Variants in TCN1 observed in about 807,000 individuals in gnomAD.
The protein encoded by TCN1 is transcobalamin-1.
In TCN1, 47 loss-of-function variants were observed where a neutral mutation model predicts 46.3. The ratio of observed to expected loss-of-function variants is 1.01; its 90% CI spans 0.80 to 1.29. The LOEUF (loss-of-function observed/expected upper bound fraction) is 1.29, where lower values mean the gene tolerates loss of function less well. Ranked by LOEUF, TCN1 falls within the 50% of genes most tolerant of loss-of-function variation. TCN1 has a pLI of 0.00. For synonymous variants in TCN1, 183 were observed against 192.5 expected (o/e 0.95, Z 0.41); for missense variants, 532 against 511.0 (o/e 1.04, Z -0.40).
In TCN1 at chr11:59,856,074, G is replaced by T. The variant is rs759634134; in HGVS notation, c.748-16C>A. ...CAAAGAGGGCCTAATGAGGCAGGGT[G>T]GGGTGGGGGGGTGATGAGAGATAAA... On this transcript the variant is annotated splice_polypyrimidine_tract_variant and intron_variant, in intron 5 of 8. Transcript: ENST00000257264. The T allele has an allele frequency of 6.8e-7, 1 of 1,470,548 alleles. No individual in the cohort carries two copies. Among genetic ancestry groups the T allele is most frequent in the Non-Finnish European group, 9.5e-7 (1 of 1,055,100 alleles). The allele number at this position is 1,470,548 out of a possible 1,614,324, so 91.1% of individuals were successfully genotyped here.
chr11:59,861,816 C>G (rs1853018380), intron 3 of TCN1, 134 bp from the exon 4 acceptor site: 9 of 1,021,092 alleles, frequency 8.8e-6, no homozygotes, highest in Non-Finnish European at 1.3e-5. Flanking sequence ...GGGAGGTCAC[C>G]CATAGAATCA....
chr11:59,854,575 T>G, intron 7 of TCN1, 77 bp downstream of exon 7: 1 of 1,464,060 alleles, frequency 6.8e-7, no homozygotes, highest in African/African-American at 1.4e-5. Flanking sequence ...TACTTTGTAT[T>G]TAGGTGCAAA....
intron 5 of TCN1, among the ~76,000 whole-genome samples, chr11:59,858,457 C>T (rs1489333750): frequency 6.6e-6 from 1 of 152,202 alleles, no homozygotes; most frequent in Non-Finnish European, 1.5e-5. Context: ...GTGTAAACTA[C>T]GTGTGATAGA....
At position 59,856,030 on chromosome 11, in the gene TCN1, TTATAA is replaced by T; in HGVS notation, c.771_775del (p.Tyr257Ter). 4 of 1,608,636 alleles carry T rather than the reference TTATAA, an allele frequency of 2.5e-6. No individual in the cohort carries two copies. The highest frequency in any genetic ancestry group is 3.4e-6 in the Non-Finnish European group (4 of 1,177,512). Reference sequence around the variant, plus strand: ...TTGTTGGCAATTCCAGTCATTTTCATTATAATAGTCTGATGATACAAAGAGGGCCT... The same window carrying T: ...TTGTTGGCAATTCCAGTCATTTTCATTAGTCTGATGATACAAAGAGGGCCT... On this transcript the variant is annotated stop_gained and frameshift_variant, in exon 6 of 9. Coordinates refer to ENST00000257264, the MANE Select transcript of TCN1 (RefSeq NM_001062.4). LOFTEE classifies it high-confidence loss of function.
chr11:59,861,702 C>A lies in TCN1; in HGVS notation c.401-20G>T, dbSNP rs1454345395. The A allele has an allele frequency of 1.2e-6, 2 of 1,613,092 alleles. No individual in the cohort carries two copies. Among genetic ancestry groups the A allele is most frequent in the South Asian group, 2.2e-5 (2 of 91,058 alleles). On this transcript the variant is annotated intron_variant, in intron 3 of 8. Coordinates refer to ENST00000257264, the MANE Select transcript of TCN1 (RefSeq NM_001062.4). The stretch of plus-strand genomic sequence containing the variant: ...GTGCTTCTAGAAAAGAGAAGAAATA[C>A]CTCCCTTAATCATGGAAGTGGTAAT...
Position 59,863,957 on chromosome 11 carries a change from G to T in TCN1, c.209C>A (p.Thr70Asn). 2 of 1,613,912 alleles carry T rather than the reference G, an allele frequency of 1.2e-6. No individual in the cohort carries two copies. The highest frequency in any genetic ancestry group is 1.7e-6 in the Non-Finnish European group (2 of 1,179,854). Residue 70 changes from threonine (T) to asparagine (N), a missense_variant, in exon 2 of 9, where the codon ACC (threonine) becomes AAC (asparagine). By Grantham distance (65) the Thr-to-Asn change is moderately conservative. Transcript: ENST00000257264. ...TTGTTGGATCATCTTTTGCATCAGG[G>T]TTTGGATCTGGATTCCAACAAGTTT... ...SLKLVGIQIQ[T>N]LMQKMIQQIK...
intron 4 of TCN1, among the ~76,000 whole-genome samples, chr11:59,861,215 G>T (rs78756297): frequency 0.016 from 2,497 of 152,270 alleles, 47 homozygotes; most frequent in Middle Eastern, 0.051. Context: ...AATATTTCAT[G>T]TGGATATTCT....
chr11:59,855,782 C>T (rs1590865123), intron 6 of TCN1, 87 bp downstream of exon 6: 1 of 1,467,230 alleles, frequency 6.8e-7, no homozygotes, highest in Non-Finnish European at 9.5e-7. Context: ...TATCTGGTCA[C>T]TTTTGGTTTC....
intron 4 of TCN1, 114 bp downstream of exon 4, chr11:59,861,413 G>C: frequency 8.3e-7 from 1 of 1,198,388 alleles, no homozygotes. Context: ...GAGGGGACTA[G>C]AGCAAAGAGG....
chr11:59,854,716 G>C lies in TCN1; in HGVS notation c.1057C>G (p.Leu353Val), dbSNP rs750328332. 1 of 1,613,914 alleles carries C rather than the reference G, an allele frequency of 6.2e-7. No homozygotes were observed. The highest frequency in any genetic ancestry group is 1.1e-5 in the South Asian group (1 of 91,072). Reference protein sequence around the residue: ...NETYFTNVTVLNGSVFLSVME... With the variant: ...NETYFTNVTVVNGSVFLSVME... Reference sequence around the variant, plus strand: ...ACACTGAGGAAGACAGAACCATTTAGCACAGTGACATTGGTGAAATATGTT... The same window carrying C: ...ACACTGAGGAAGACAGAACCATTTACCACAGTGACATTGGTGAAATATGTT... Residue 353 changes from leucine to valine, a missense_variant, in exon 7 of 9, where the codon CTA becomes GTA. Transcript: ENST00000257264.
chr11:59,858,483 G>C (rs1852974605), intron 5 of TCN1, among the ~76,000 whole-genome samples: 1 of 152,314 alleles, frequency 6.6e-6, no homozygotes, highest in East Asian at 1.9e-4. Context: ...AAAGCAGATT[G>C]TAGTAGACTC....
chr11:59,853,275 G>C lies in TCN1; in HGVS notation c.1168C>G (p.Gln390Glu), dbSNP rs1345028932. 3.1e-6 allele frequency: 5 copies of C among 1,614,100 alleles called. No homozygotes were observed. Among genetic ancestry groups the C allele is most frequent in the Non-Finnish European group, 4.2e-6 (5 of 1,180,010 alleles). Reference protein sequence around the residue: ...RSWGPYITCIQGLCANNNDRT... With the variant: ...RSWGPYITCIEGLCANNNDRT... ...TCATTATTGTTGGCACATAGGCCCT[G>C]AATACAGGTGATATAGGGCCCCCAT... Residue 390 changes from glutamine (Q) to glutamate (E), a missense_variant, in exon 8 of 9, where the codon CAG becomes GAG. Coordinates refer to ENST00000257264, the MANE Select transcript of TCN1 (RefSeq NM_001062.4).
Position 59,854,657 on chromosome 11 carries a change from T to C in TCN1, c.1116A>G (p.Ile372Met), listed in dbSNP as rs374043931. 1.2e-6 allele frequency: 2 copies of C among 1,613,804 alleles called. No individual in the cohort carries two copies. Among genetic ancestry groups the C allele is most frequent in the Non-Finnish European group, 1.7e-6 (2 of 1,179,790 alleles). ...MEKAQKMNDT[I>M]FGFTMEERSW... ...TAGGTTAGGTACAGACCTACCCAAATATAGTATCATTCATTTTCTGGGCTT... is the reference window on the plus strand; with the variant it reads ...TAGGTTAGGTACAGACCTACCCAAACATAGTATCATTCATTTTCTGGGCTT... The change falls in exon 7 of 9, where the codon ATA becomes ATG. Residue 372 changes from isoleucine (I) to methionine (M), a missense_variant. Physicochemically the swap from Ile to Met is conservative, Grantham distance 10 (BLOSUM62 1). Coordinates refer to ENST00000257264, the MANE Select transcript of TCN1 (RefSeq NM_001062.4).
Position 59,866,375 on chromosome 11 carries a change from G to T in TCN1, c.79+17C>A, listed in dbSNP as rs754314164. On this transcript the variant is annotated intron_variant, in intron 1 of 8. Transcript: ENST00000257264. ...AGACTATCACTCTAGAGTAATTTTA[G>T]CTCAAAGTTTACTCACCACAAATCT... is the stretch of plus-strand genomic sequence containing the variant. 1.2e-6 allele frequency: 2 copies of T among 1,612,472 alleles called. No homozygotes were observed. The highest frequency in any genetic ancestry group is 3.3e-5 in the Admixed American group (2 of 59,940).
intron 3 of TCN1, among the ~76,000 whole-genome samples, chr11:59,862,162 A>C (rs1853021184): frequency 6.6e-6 from 1 of 152,184 alleles, no homozygotes; most frequent in South Asian, 2.1e-4. Flanking sequence ...TCCCAGTGAT[A>C]ATGTACTCTG....
Position 59,853,224 on chromosome 11 carries a change from C to G in TCN1, c.1219G>C (p.Gly407Arg). 1 of 1,614,124 alleles carries G rather than the reference C, an allele frequency of 6.2e-7. No homozygotes were observed. The change falls in exon 8 of 9, where the codon GGA (glycine) becomes CGA (arginine). Residue 407 changes from glycine (G) to arginine (R), a missense_variant. By Grantham distance (125) the Gly-to-Arg change is moderately radical. Coordinates refer to ENST00000257264, the MANE Select transcript of TCN1 (RefSeq NM_001062.4). Reference protein sequence around the residue: ...NDRTYWELLSGGEPLSQGAGS... With the variant: ...NDRTYWELLSRGEPLSQGAGS... ...TTACCTTGGCTCAGTGGTTCGCCTCCACTCAGAAGTTCCCAGTAGGTTCTG... is the reference window on the plus strand; with the variant it reads ...TTACCTTGGCTCAGTGGTTCGCCTCGACTCAGAAGTTCCCAGTAGGTTCTG...
intron 3 of TCN1, 51 bp from the exon 4 acceptor site, chr11:59,861,733 A>G: frequency 6.3e-7 from 1 of 1,585,956 alleles, no homozygotes; most frequent in South Asian, 1.1e-5. Context: ...GTAATGGCGT[A>G]TGCATTTTCC....
chr11:59,856,482 A>G (rs561735449), intron 5 of TCN1, among the ~76,000 whole-genome samples: 7 of 152,094 alleles, frequency 4.6e-5, no homozygotes, highest in Non-Finnish European at 1.0e-4. Context: ...GAGCTCACAA[A>G]CATTTAATGA....
At chr11:59,856,161 T>C in intron 5 of TCN1, 103 bp from the exon 6 acceptor site, 1 of 889,136 alleles carries the variant, frequency 1.1e-6, no homozygotes, top group East Asian at 2.5e-5. Context: ...TATAACTATA[T>C]ATGTAACTAA....
Sources: gnomAD v4.1 joint callset for allele counts (sites outside exome capture counted in the v4.1 genomes callset) on GRCh38, gnomAD v4.1.1 for gene constraint, MANE v1.5 for transcripts, NCBI Gene and HGNC (gene_info 2026-07-23, HGNC 2026-07-21) for gene names.